ALG1L2: variants seen among roughly 807,000 people sequenced by gnomAD.
ALG1L2 encodes the protein ALG1 chitobiosyldiphosphodolichol beta-mannosyltransferase like 2.
In ALG1L2, 32 loss-of-function variants were observed where a neutral mutation model predicts 29.0. The ratio of observed to expected loss-of-function variants is 1.10; its 90% CI spans 0.83 to 1.48. The LOEUF is 1.48. Among genes scored for constraint, ALG1L2 ranks in the 40% most tolerant of loss-of-function variants. The pLI is 0.00. For missense variants in ALG1L2, 318 were observed against 274.1 expected (o/e 1.16, Z -1.13); for synonymous variants, 110 against 109.5 (o/e 1.00, Z -0.03).
intron 1 of ALG1L2, among the ~76,000 whole-genome samples, chr3:130,090,455 T>C (rs1342909438): frequency 6.6e-6 from 1 of 152,312 alleles, no homozygotes; most frequent in African/African-American, 2.4e-5. Context: ...AATTCCCCTG[T>C]GGTTCTCAGG....
chr3:130,084,566 G>A lies in ALG1L2; in HGVS notation c.20+2530G>A, dbSNP rs2953751. ...AGCAGCACTTATGGGCGGGGCGGTA[G>A]TGGTGAAGATTAAATGAAGAGTTTA... On this transcript the variant is annotated intron_variant, in intron 1 of 7. Transcript: ENST00000425059. Among the ~76,000 whole-genome samples the A allele has an allele frequency of 2.3e-5, 3 of 131,668 alleles. 1 individual carries two copies. The South Asian group carries it at 7.2e-4, about 31-fold the overall frequency. 86.4% of individuals were successfully genotyped at this position (131,668 alleles called of 152,430 possible).
At chr3:130,094,580 G>A in intron 5 of ALG1L2, 67 bp downstream of exon 5, 1 of 1,460,574 alleles carries the variant, frequency 6.8e-7, no homozygotes, top group South Asian at 1.2e-5. Context: ...GGGTGGGCGG[G>A]GTGTACCTTT....
At chr3:130,097,740 T>C (rs563779468) in intron 7 of ALG1L2, among the ~76,000 whole-genome samples, 10 of 152,322 alleles carry the variant, frequency 6.6e-5, no homozygotes, top group African/African-American at 2.4e-4. Context: ...AGAACCATGG[T>C]ACTCTGTTGT....
intron 1 of ALG1L2, among the ~76,000 whole-genome samples, chr3:130,086,057 C>T (rs1456778161): frequency 9.2e-5 from 14 of 151,548 alleles, no homozygotes; most frequent in African/African-American, 4.8e-5. Context: ...CACCAGGAGG[C>T]CTGAGGTCCC....
In ALG1L2 at chr3:130,093,251, G is replaced by A. The variant is rs373661093; in HGVS notation, c.313+91G>A. Reference sequence around the variant, plus strand: ...TTTACCCTGTGCTTCCCACGATCTTGTCTCCTTAATCCTCACTGCAGCTCT... The same window carrying A: ...TTTACCCTGTGCTTCCCACGATCTTATCTCCTTAATCCTCACTGCAGCTCT... On this transcript the variant is annotated intron_variant, in intron 4 of 7. Transcript: ENST00000425059. The A allele has an allele frequency of 1.0e-4, 150 of 1,455,332 alleles. 2 individuals carry two copies. In the East Asian group the frequency reaches 1.5e-3, roughly 14 times the overall value. 90.2% of individuals were successfully genotyped at this position (1,455,332 alleles called of 1,614,324 possible).
At chr3:130,093,239 T>C (rs1935058571) in intron 4 of ALG1L2, 79 bp downstream of exon 4, 3 of 1,501,434 alleles carry the variant, frequency 2.0e-6, no homozygotes, top group Non-Finnish European at 2.8e-6. Flanking sequence ...ACCCTGTGCT[T>C]CCCACGATCT....
Position 130,098,378 on chromosome 3 carries a change from G to C in ALG1L2, c.*123G>C. The stretch of plus-strand genomic sequence containing the variant: ...ATGGACACATAACTCCTGGGCCAGA[G>C]GCTAAAACCCCAGGGCCCCTGCTGT... On this transcript the variant is annotated 3_prime_UTR_variant, in exon 8 of 8. Coordinates refer to ENST00000425059, the MANE Select transcript of ALG1L2 (RefSeq NM_001136152.1). 1 of 1,595,848 alleles carries C rather than the reference G, an allele frequency of 6.3e-7. No individual in the cohort carries two copies.
chr3:130,095,372 T>A (rs948984958), intron 5 of ALG1L2, among the ~76,000 whole-genome samples: 15 of 151,656 alleles, frequency 9.9e-5, no homozygotes, highest in Non-Finnish European at 2.1e-4. Flanking sequence ...GGCTTTATTT[T>A]CACACTGACA....
intron 4 of ALG1L2, 58 bp from the exon 5 acceptor site, chr3:130,094,345 G>C: frequency 6.4e-7 from 1 of 1,563,676 alleles, no homozygotes; most frequent in Non-Finnish European, 8.7e-7. Context: ...CTTGGGCCTG[G>C]GGCTATGTGG....
At chr3:130,090,495 C>A (rs1425585946) in intron 1 of ALG1L2, among the ~76,000 whole-genome samples, 1 of 152,302 alleles carries the variant, frequency 6.6e-6, no homozygotes, top group Non-Finnish European at 1.5e-5. Flanking sequence ...TACACTCTTC[C>A]TTCAGGTTCA....
intron 1 of ALG1L2, among the ~76,000 whole-genome samples, chr3:130,084,432 G>A (rs1326946499): frequency 6.8e-6 from 1 of 147,324 alleles, no homozygotes; most frequent in African/African-American, 2.4e-5. Flanking sequence ...AGGCATGAGA[G>A]GTTCCCTAGA....
Position 130,087,270 on chromosome 3 carries a change from A to G in ALG1L2, c.21-3991A>G, listed in dbSNP as rs544845052. 2.0e-5 allele frequency among the ~76,000 whole-genome samples: 3 copies of G among 150,616 alleles called. No homozygotes were observed. The South Asian group carries it at 6.3e-4, about 32-fold the overall frequency. On this transcript the variant is annotated intron_variant, in intron 1 of 7. Transcript: ENST00000425059. Reference sequence around the variant, plus strand: ...AGTCCCACCCCAAATGCATAAGAATATCACCGCCAAGAAACATCAGCCAAA... The same window carrying G: ...AGTCCCACCCCAAATGCATAAGAATGTCACCGCCAAGAAACATCAGCCAAA...
chr3:130,092,506 TTGCCTGGTCTG>T lies in ALG1L2; in HGVS notation c.253+285_253+295del, dbSNP rs542808334. 4.9e-4 allele frequency among the ~76,000 whole-genome samples: 75 copies of T among 152,296 alleles called. 3 individuals are homozygous for T. In the East Asian group the frequency reaches 0.014, roughly 28 times the overall value. ...TCGGGGCCACTGAGCTGTGAGCTGCTTGCCTGGTCTGCAGCATGTTCCTGTCCTGGGCTACT... is the reference window on the plus strand; with the variant it reads ...TCGGGGCCACTGAGCTGTGAGCTGCTCAGCATGTTCCTGTCCTGGGCTACT... On this transcript the variant is annotated intron_variant, in intron 3 of 7. Coordinates refer to ENST00000425059, the MANE Select transcript of ALG1L2 (RefSeq NM_001136152.1).
rs141314012 is a variant in ALG1L2 at position 130,083,658 on chromosome 3, CT to C, written c.20+1631del. Among the ~76,000 whole-genome samples the C allele has an allele frequency of 1.4e-3, 165 of 118,766 alleles. 7 individuals carry two copies. In the Admixed American group the frequency reaches 0.014, roughly 10 times the overall value. The allele number at this position is 118,766 out of a possible 152,430, so 77.9% of individuals were successfully genotyped here. Reference sequence around the variant, plus strand: ...CCATGCTAGTAATTTAAAATGTTAACTTTTTTTTTACTTGGAAGGACATTAA... The same window carrying C: ...CCATGCTAGTAATTTAAAATGTTAACTTTTTTTTACTTGGAAGGACATTAA... On this transcript the variant is annotated intron_variant, in intron 1 of 7. Transcript: ENST00000425059.
intron 4 of ALG1L2, chr3:130,094,143 C>T (rs1935079010): frequency 3.9e-6 from 2 of 516,152 alleles, no homozygotes; most frequent in South Asian, 2.0e-5. Context: ...CAGGCCAGTG[C>T]TTACCCCGCC....
In ALG1L2 at chr3:130,098,204, G is replaced by A. The variant is rs777057549; in HGVS notation, c.616-19G>A. ...GGGATGGGGTGGGGACAGGCAATGA[G>A]GTAAGCTCTGCTCTTCAGTATTTTG... On this transcript the variant is annotated intron_variant, in intron 7 of 7. Transcript: ENST00000425059. 5 of 1,596,246 alleles carry A rather than the reference G, an allele frequency of 3.1e-6. No homozygotes were observed. The highest frequency in any genetic ancestry group is 1.3e-5 in the African/African-American group (1 of 74,844).
chr3:130,092,486 G>A (rs1935039163), intron 3 of ALG1L2, among the ~76,000 whole-genome samples: 1 of 152,222 alleles, frequency 6.6e-6, no homozygotes, highest in Non-Finnish European at 1.5e-5. Flanking sequence ...GCTCGTCGGG[G>A]CCACTGAGCT....
In ALG1L2 at chr3:130,091,334, A is replaced by G; in HGVS notation, c.94A>G (p.Met32Val). 2 of 1,597,828 alleles carry G rather than the reference A, an allele frequency of 1.3e-6. No homozygotes were observed. Among genetic ancestry groups the G allele is most frequent in the Non-Finnish European group, 1.7e-6 (2 of 1,179,768 alleles). The change falls in exon 2 of 8, where the codon ATG (methionine) becomes GTG (valine). Residue 32 changes from methionine (M) to valine (V), a missense_variant. Physicochemically the swap from Met to Val is conservative, Grantham distance 21. Transcript: ENST00000425059. The stretch of plus-strand genomic sequence containing the variant: ...TCTGGACCTGCAGCACCGGCTCTTC[A>G]TGAAGCTGGGCAGCACGCACTCTCC... The part of the protein sequence containing the change: ...APLDLQHRLF[M>V]KLGSTHSPFR...
chr3:130,096,080 G>T lies in ALG1L2; in HGVS notation c.456G>T (p.Thr152=). The T allele has an allele frequency of 6.4e-7, 1 of 1,552,860 alleles. No homozygotes were observed. Among genetic ancestry groups the T allele is most frequent in the East Asian group, 2.2e-5 (1 of 44,568 alleles). The part of the protein sequence containing the change: ...GSVDLDVCLD[T]SSSGLDLPMK... ...TGGACCTGGATGTCTGTCTGGACAC[G>T]TCCTCCAGTGGCCTGGACCTGCCCA... The change falls in exon 6 of 8, where the codon ACG becomes ACT. Residue 152 remains threonine (T), a synonymous_variant. Transcript: ENST00000425059.
Sources: gnomAD v4.1 joint callset for allele counts (sites outside exome capture counted in the v4.1 genomes callset) on GRCh38, gnomAD v4.1.1 for gene constraint, MANE v1.5 for transcripts, NCBI Gene and HGNC (gene_info 2026-07-23, HGNC 2026-07-21) for gene names.